Variants in FAT3 observed in about 807,000 individuals in gnomAD.
FAT3 encodes protocadherin Fat 3.
A neutral mutation model predicts 310.2 loss-of-function variants in FAT3; 95 were observed. That is an observed-to-expected ratio of 0.31 (90% CI 0.26 to 0.36). The LOEUF is 0.36. FAT3 is among the 10% of genes least tolerant of loss of function. The pLI is 1.00. For missense variants in FAT3, 5,408 were observed against 5,715.6 expected (o/e 0.95, Z 1.74); for synonymous variants, 2,314 against 2,192.9 (o/e 1.06, Z -1.54).
intron 3 of FAT3, among the ~76,000 whole-genome samples, chr11:92,534,256 T>C (rs1357437723): frequency 6.6e-6 from 1 of 152,096 alleles, no homozygotes; most frequent in Non-Finnish European, 1.5e-5. Flanking sequence ...TATTAGCTCA[T>C]TCAGCAATAA....
chr11:92,806,287 C>A (rs1413508003), intron 11 of FAT3, 75 bp from the exon 12 acceptor site: 3 of 1,284,916 alleles, frequency 2.3e-6, no homozygotes, highest in African/African-American at 1.5e-5. Flanking sequence ...TTAAAGAAAT[C>A]CTATATAATG....
intron 3 of FAT3, among the ~76,000 whole-genome samples, chr11:92,624,398 G>A (rs1941229177): frequency 6.6e-6 from 1 of 152,158 alleles, no homozygotes; most frequent in South Asian, 2.1e-4. Context: ...GAACTTGTCT[G>A]GGTCAGATCC....
At chr11:92,249,573 G>C (rs1465958233) in intron 1 of FAT3, among the ~76,000 whole-genome samples, 1 of 152,030 alleles carries the variant, frequency 6.6e-6, no homozygotes, top group African/African-American at 2.4e-5. Flanking sequence ...CTTTTAAGAG[G>C]CTTCTTGGCT....
At chr11:92,882,317 A>ATATG (rs983091053) in intron 23 of FAT3, among the ~76,000 whole-genome samples, 1 of 152,230 alleles carries the variant, frequency 6.6e-6, no homozygotes, top group African/African-American at 2.4e-5. Flanking sequence ...AATGTGAAAG[A>ATATG]TATGTGCTGC....
chr11:92,640,577 C>T (rs1941922243), intron 3 of FAT3, among the ~76,000 whole-genome samples: 1 of 152,114 alleles, frequency 6.6e-6, no homozygotes, highest in African/African-American at 2.4e-5. Context: ...GACACAGAGT[C>T]ATAAAATAGT....
At chr11:92,262,146 C>A (rs1865587020) in intron 1 of FAT3, among the ~76,000 whole-genome samples, 1 of 151,998 alleles carries the variant, frequency 6.6e-6, no homozygotes, top group Admixed American at 6.6e-5. Flanking sequence ...GTGGTAAGAA[C>A]CTCCTAAGAA....
chr11:92,493,302 G>T (rs1336791556), intron 2 of FAT3, among the ~76,000 whole-genome samples: 1 of 152,024 alleles, frequency 6.6e-6, no homozygotes, highest in Non-Finnish European at 1.5e-5. Context: ...TCCTCCCTAT[G>T]CCCAGAGCTC....
chr11:92,231,100 G>C (rs1023198118), intron 1 of FAT3, among the ~76,000 whole-genome samples: 1 of 152,146 alleles, frequency 6.6e-6, no homozygotes, highest in African/African-American at 2.4e-5. Context: ...CTATCCCCTT[G>C]TGGTCTCCCA....
At chr11:92,818,040 C>T (rs1226636969) in intron 13 of FAT3, among the ~76,000 whole-genome samples, 3 of 152,174 alleles carry the variant, frequency 2.0e-5, no homozygotes, top group African/African-American at 7.2e-5. Context: ...GGAAGTGTTG[C>T]TCAAACCAAT....
At chr11:92,562,249 A>G (rs537538877) in intron 3 of FAT3, among the ~76,000 whole-genome samples, 4 of 152,304 alleles carry the variant, frequency 2.6e-5, no homozygotes, top group East Asian at 1.9e-4. Flanking sequence ...AATACCTCCT[A>G]TTTGTATCAT....
At chr11:92,546,099 TG>T (rs1954608230) in intron 3 of FAT3, among the ~76,000 whole-genome samples, 1 of 152,190 alleles carries the variant, frequency 6.6e-6, no homozygotes, top group Non-Finnish European at 1.5e-5. Flanking sequence ...ATTCAAGAAA[TG>T]TCGTCTGCTG....
intron 3 of FAT3, among the ~76,000 whole-genome samples, chr11:92,612,858 G>T (rs948823868): frequency 6.6e-6 from 1 of 152,128 alleles, no homozygotes; most frequent in Non-Finnish European, 1.5e-5. Context: ...AACCCTGAAA[G>T]GATACTTCAG....
intron 2 of FAT3, among the ~76,000 whole-genome samples, chr11:92,475,596 T>C (rs1952029292): frequency 6.6e-6 from 1 of 152,020 alleles, no homozygotes; most frequent in African/African-American, 2.4e-5. Flanking sequence ...ACTACTGACA[T>C]TCTTTGTTAG....
chr11:92,461,553 A>G (rs370793998), intron 2 of FAT3, among the ~76,000 whole-genome samples: 1 of 152,290 alleles, frequency 6.6e-6, no homozygotes, highest in South Asian at 2.1e-4. Flanking sequence ...TAGAACAGAC[A>G]CACAGATGAG....
At chr11:92,561,258 TG>T (rs1264885428) in intron 3 of FAT3, among the ~76,000 whole-genome samples, 5 of 32,762 alleles carry the variant, frequency 1.5e-4, no homozygotes, top group African/African-American at 3.9e-4. Context: ...TTCGTGTGTG[TG>T]TGTGTGTGTG....
intron 3 of FAT3, among the ~76,000 whole-genome samples, chr11:92,664,615 T>A (rs545289857): frequency 1.3e-5 from 2 of 152,318 alleles, no homozygotes; most frequent in East Asian, 3.9e-4. Context: ...ACATGCACAC[T>A]TTTTAAAGAG....
intron 3 of FAT3, among the ~76,000 whole-genome samples, chr11:92,526,154 C>A (rs1326871334): frequency 6.6e-6 from 1 of 152,132 alleles, no homozygotes; most frequent in Non-Finnish European, 1.5e-5. Context: ...TTGGCCCAAC[C>A]TTTCAGAGCC....
At chr11:92,347,043 T>C (rs1426500765) in intron 1 of FAT3, among the ~76,000 whole-genome samples, 1 of 152,206 alleles carries the variant, frequency 6.6e-6, no homozygotes, top group Non-Finnish European at 1.5e-5. Flanking sequence ...TCAAATCCTA[T>C]TCGGTAGGCA....
intron 1 of FAT3, among the ~76,000 whole-genome samples, chr11:92,287,479 ATAATATTTTG>A (rs1251928372): frequency 2.0e-5 from 3 of 152,142 alleles, no homozygotes; most frequent in Non-Finnish European, 4.4e-5. Context: ...AATGTACAGT[ATAATATTTTG>A]TACTACAGCC....
Sources: allele counts gnomAD v4.1 joint callset (sites outside exome capture counted in the v4.1 genomes callset), GRCh38; gene constraint gnomAD v4.1.1; transcripts MANE v1.5; gene names NCBI Gene and HGNC (gene_info 2026-07-23, HGNC 2026-07-21).